Variants in EXOC6B observed in about 807,000 individuals in gnomAD.
EXOC6B encodes SEC15 homolog B.
In EXOC6B, 54 loss-of-function variants were observed where a neutral mutation model predicts 113.5. The observed-to-expected ratio is 0.48, with a 90% CI of 0.38 to 0.60. EXOC6B has a LOEUF of 0.60. Ranked by LOEUF, EXOC6B falls within the 20% of genes least tolerant of loss-of-function variation. EXOC6B has a pLI of 0.00. For missense variants in EXOC6B, 797 were observed against 977.5 expected (o/e 0.82, Z 2.46); for synonymous variants, 357 against 339.0 (o/e 1.05, Z -0.58).
chr2:72,281,480 G>T (rs528534422), intron 20 of EXOC6B, among the ~76,000 whole-genome samples: 3 of 152,104 alleles, frequency 2.0e-5, no homozygotes, highest in Admixed American at 1.3e-4. Context: ...ATAAATTCTA[G>T]CTCTGAAAAA....
chr2:72,316,637 C>T (rs1384288348), intron 20 of EXOC6B, among the ~76,000 whole-genome samples: 1 of 152,174 alleles, frequency 6.6e-6, no homozygotes, highest in Non-Finnish European at 1.5e-5. Flanking sequence ...TAAGTCAATA[C>T]ATTCAGCAAG....
intron 20 of EXOC6B, among the ~76,000 whole-genome samples, chr2:72,280,815 G>T (rs1685083623): frequency 6.6e-6 from 1 of 152,006 alleles, no homozygotes; most frequent in Admixed American, 6.6e-5. Context: ...TGAAAGAGAG[G>T]CAAAGAGGCT....
At chr2:72,741,214 A>T in intron 2 of EXOC6B, 90 bp downstream of exon 2, 1 of 1,232,650 alleles carries the variant, frequency 8.1e-7, no homozygotes, top group Non-Finnish European at 1.1e-6. Flanking sequence ...CACTACAAAT[A>T]TGTGTTCTAT....
chr2:72,703,830 C>T (rs1375191476), intron 6 of EXOC6B, among the ~76,000 whole-genome samples: 8 of 140,394 alleles, frequency 5.7e-5, no homozygotes, highest in Admixed American at 3.0e-4. Context: ...TGGGCTGAGA[C>T]GATGGGGTTT....
chr2:72,823,780 CA>C (rs780964417), intron 1 of EXOC6B, among the ~76,000 whole-genome samples: 307 of 136,834 alleles, frequency 2.2e-3, no homozygotes, highest in Middle Eastern at 3.6e-3. Flanking sequence ...GACCCTGTCC[CA>C]AAAAAAAAAA....
intron 19 of EXOC6B, among the ~76,000 whole-genome samples, chr2:72,358,582 G>T (rs1419698366): frequency 6.6e-6 from 1 of 152,070 alleles, no homozygotes; most frequent in Non-Finnish European, 1.5e-5. Context: ...AAAAAAATAA[G>T]GTTTAGAGAA....
chr2:72,214,460 T>C (rs1680387563), intron 20 of EXOC6B, among the ~76,000 whole-genome samples: 1 of 147,560 alleles, frequency 6.8e-6, no homozygotes, highest in Non-Finnish European at 1.5e-5. Flanking sequence ...CACTGCACTC[T>C]GGCCTGGGCG....
At chr2:72,209,553 A>T (rs1680056273) in intron 20 of EXOC6B, among the ~76,000 whole-genome samples, 1 of 152,118 alleles carries the variant, frequency 6.6e-6, no homozygotes, top group Non-Finnish European at 1.5e-5. Context: ...AGCAAAGCTC[A>T]GACTTCCCTA....
intron 20 of EXOC6B, among the ~76,000 whole-genome samples, chr2:72,251,257 C>T (rs1007000374): frequency 2.0e-5 from 3 of 152,154 alleles, no homozygotes; most frequent in Non-Finnish European, 4.4e-5. Flanking sequence ...GTTTTCTAGG[C>T]ACTGTGTGTG....
At chr2:72,596,427 G>A (rs529733598) in intron 6 of EXOC6B, among the ~76,000 whole-genome samples, 10 of 152,166 alleles carry the variant, frequency 6.6e-5, no homozygotes, top group Non-Finnish European at 2.9e-5. Flanking sequence ...TCTTAGGGGG[G>A]CTCCTGAGTT....
chr2:72,597,389 A>T (rs374783422), intron 6 of EXOC6B, among the ~76,000 whole-genome samples: 6 of 151,990 alleles, frequency 3.9e-5, no homozygotes, highest in South Asian at 4.1e-4. Flanking sequence ...TAGATTAATT[A>T]TAAATGGATA....
intron 6 of EXOC6B, among the ~76,000 whole-genome samples, chr2:72,664,184 A>G (rs1239210938): frequency 1.3e-5 from 2 of 152,130 alleles, no homozygotes; most frequent in African/African-American, 4.8e-5. Context: ...AAGGAACAAA[A>G]TGGCTGACTA....
intron 1 of EXOC6B, among the ~76,000 whole-genome samples, chr2:72,810,650 G>C (rs1295626309): frequency 6.6e-6 from 1 of 151,800 alleles, no homozygotes; most frequent in African/African-American, 2.4e-5. Context: ...AAAAACAACG[G>C]AGAAAATCAA....
At chr2:72,454,923 T>C (rs148225654) in intron 18 of EXOC6B, among the ~76,000 whole-genome samples, 100 of 152,312 alleles carry the variant, frequency 6.6e-4, no homozygotes, top group African/African-American at 2.3e-3. Flanking sequence ...AAGAAGCAAA[T>C]GTTTTTTTAT....
chr2:72,475,341 C>T (rs1698671242), intron 17 of EXOC6B, among the ~76,000 whole-genome samples: 1 of 152,146 alleles, frequency 6.6e-6, no homozygotes, highest in Non-Finnish European at 1.5e-5. Context: ...GCAGAAACAT[C>T]CTCTTAGTCC....
At chr2:72,745,813 TAAA>T (rs1681659663) in intron 1 of EXOC6B, among the ~76,000 whole-genome samples, 2 of 152,108 alleles carry the variant, frequency 1.3e-5, no homozygotes, top group African/African-American at 4.8e-5. Flanking sequence ...CCATCAGATA[TAAA>T]AGGCTAAAAA....
At chr2:72,759,104 T>C (rs1162231516) in intron 1 of EXOC6B, among the ~76,000 whole-genome samples, 1 of 152,196 alleles carries the variant, frequency 6.6e-6, no homozygotes, top group Non-Finnish European at 1.5e-5. Context: ...CACTTAATAG[T>C]TGTGTGATCT....
chr2:72,189,860 C>CTTTCTTTTTT (rs1553462592), intron 20 of EXOC6B, among the ~76,000 whole-genome samples: 2,825 of 87,228 alleles, frequency 0.032, 309 homozygotes, highest in African/African-American at 0.13. Context: ...CCTTCTTCTT[C>CTTTCTTTTTT]TTTTTTTTTT....
At chr2:72,467,281 GT>G (rs1698114933) in intron 17 of EXOC6B, among the ~76,000 whole-genome samples, 2 of 152,176 alleles carry the variant, frequency 1.3e-5, no homozygotes, top group Non-Finnish European at 2.9e-5. Flanking sequence ...TGTGGAAAAT[GT>G]TACAATGAAC....
Sources: gnomAD v4.1 joint callset for allele counts (sites outside exome capture counted in the v4.1 genomes callset) on GRCh38, gnomAD v4.1.1 for gene constraint, MANE v1.5 for transcripts, NCBI Gene and HGNC (gene_info 2026-07-23, HGNC 2026-07-21) for gene names.